Variants in WASHC4 observed in about 807,000 individuals in gnomAD.
WASHC4 encodes WASH complex subunit 4.
WASHC4 carries 86 observed loss-of-function variants against 166.6 expected under a neutral mutation model. That is an observed-to-expected ratio of 0.52 (90% CI 0.43 to 0.62). The LOEUF (loss-of-function observed/expected upper bound fraction) is 0.62, where lower values mean the gene tolerates loss of function less well. WASHC4 is among the 20% of genes least tolerant of loss of function. The pLI, the probability that WASHC4 is intolerant of heterozygous loss-of-function variation, is 0.00. For synonymous variants in WASHC4, 446 were observed against 451.6 expected, an observed-to-expected ratio of 0.99 and a Z score of 0.16; for missense variants, 1,262 against 1,382.4, an observed-to-expected ratio of 0.91 and a Z score of 1.38.
At chr12:105,153,428 C>T (rs1592911327) in intron 26 of WASHC4, among the ~76,000 whole-genome samples, 1 of 152,236 alleles carries the variant, frequency 6.6e-6, no homozygotes, top group Non-Finnish European at 1.5e-5. Context: ...TGTTTTAGTA[C>T]AAGAACTTGG....
At chr12:105,136,151 G>T (rs976273933) in intron 14 of WASHC4, among the ~76,000 whole-genome samples, 5 of 152,054 alleles carry the variant, frequency 3.3e-5, no homozygotes, top group African/African-American at 1.2e-4. Context: ...TTTTTGGGGG[G>T]TTATCCTTCA....
chr12:105,156,908 A>G, intron 27 of WASHC4, 116 bp downstream of exon 27: 2 of 832,660 alleles, frequency 2.4e-6, no homozygotes, highest in South Asian at 1.4e-5. Flanking sequence ...ATATTTTGAG[A>G]TAAAATATGG....
intron 1 of WASHC4, among the ~76,000 whole-genome samples, chr12:105,108,516 G>A (rs1053895069): frequency 2.0e-5 from 3 of 152,136 alleles, no homozygotes; most frequent in Non-Finnish European, 2.9e-5. Context: ...AAAAATTACA[G>A]CAAATCTTCA....
rs949124120 is a variant in WASHC4 at position 105,126,222 on chromosome 12, A to G, written c.911-13A>G. On this transcript the variant is annotated splice_polypyrimidine_tract_variant and intron_variant, in intron 11 of 32. Transcript: ENST00000332180. ...TATTTGTTCTGCTTTCTCTTATGTT[A>G]TTGATTTGTAAGGAGAACCTTCTGA... 1.2e-6 allele frequency: 2 copies of G among 1,612,566 alleles called. No homozygotes were observed. Among genetic ancestry groups the G allele is most frequent in the Non-Finnish European group, 1.7e-6 (2 of 1,179,036 alleles).
At position 105,139,195 on chromosome 12, in the gene WASHC4, G is replaced by A. The variant is rs1443140626; in HGVS notation, c.1453-1099G>A. 4.6e-5 allele frequency among the ~76,000 whole-genome samples: 7 copies of A among 151,736 alleles called. No individual in the cohort carries two copies. In the East Asian group the frequency reaches 1.3e-3, roughly 29 times the overall value. On this transcript the variant is annotated intron_variant, in intron 15 of 32. Transcript: ENST00000332180. ...GAGGGTATCCATGTTGGGATGAGTA[G>A]CACATCTATTTTCATTGTTGTGTAG...
chr12:105,158,265 G>C (rs373031568), intron 28 of WASHC4, among the ~76,000 whole-genome samples: 3 of 152,310 alleles, frequency 2.0e-5, no homozygotes, highest in East Asian at 3.9e-4. Flanking sequence ...TTAGAGAACA[G>C]AGGATTCATT....
chr12:105,150,923 G>T (rs1883707075), intron 25 of WASHC4, among the ~76,000 whole-genome samples: 1 of 151,980 alleles, frequency 6.6e-6, no homozygotes, highest in South Asian at 2.1e-4. Flanking sequence ...ATGAGAACAG[G>T]GTAGGGGAAA....
chr12:105,121,540 A>C lies in WASHC4; in HGVS notation c.665+336A>C, dbSNP rs147489123. Among the ~76,000 whole-genome samples the C allele has an allele frequency of 2.4e-3, 366 of 152,242 alleles. 1 individual carries two copies. Among genetic ancestry groups the C allele is most frequent in the African/African-American group, 8.2e-3 (342 of 41,546 alleles). ...TTTTTCTTTGTTGAGACAGAGTCTC[A>C]CTGTGTTGCCAGGCTGGAGTGCAGT... On this transcript the variant is annotated intron_variant, in intron 9 of 32. Coordinates refer to ENST00000332180, the MANE Select transcript of WASHC4 (RefSeq NM_015275.3).
intron 14 of WASHC4, among the ~76,000 whole-genome samples, chr12:105,135,448 G>A (rs1425413524): frequency 6.6e-6 from 1 of 150,866 alleles, no homozygotes; most frequent in African/African-American, 2.4e-5. Flanking sequence ...TGGTCTTCTG[G>A]CTTCCTTTGT....
rs1455611746 is a variant in WASHC4 at position 105,160,294 on chromosome 12, G to A, written c.3060+146G>A. Reference sequence around the variant, plus strand: ...AAAACTAAATGTGATCTCAGTGAATGTGACATAGAATTTTTTATTTGTTAG... The same window carrying A: ...AAAACTAAATGTGATCTCAGTGAATATGACATAGAATTTTTTATTTGTTAG... On this transcript the variant is annotated intron_variant, in intron 29 of 32. Coordinates refer to ENST00000332180, the MANE Select transcript of WASHC4 (RefSeq NM_015275.3). 3 of 724,408 alleles carry A rather than the reference G, an allele frequency of 4.1e-6. No homozygotes were observed. In the African/African-American group the frequency reaches 5.4e-5, roughly 13 times the overall value. 44.9% of individuals were successfully genotyped at this position (724,408 alleles called of 1,614,324 possible).
chr12:105,146,401 C>A, intron 22 of WASHC4, 51 bp from the exon 23 acceptor site: 2 of 1,067,246 alleles, frequency 1.9e-6, no homozygotes, highest in Non-Finnish European at 2.9e-6. Flanking sequence ...ACAAGTTTAA[C>A]TGATTATTTT....
At chr12:105,160,952 T>C in intron 29 of WASHC4, among the ~76,000 whole-genome samples, 1 of 152,166 alleles carries the variant, frequency 6.6e-6, no homozygotes, top group Non-Finnish European at 1.5e-5. Context: ...TATCTAAAAA[T>C]AGTTCAAGTT....
At position 105,131,753 on chromosome 12, in the gene WASHC4, C is replaced by T. The variant is rs375409660; in HGVS notation, c.1200-2017C>T. ...CCAGGCTTTTAAAAAAGGAATCATT[C>T]ATAAGTCAAACAGTATGTTTCAGCA... On this transcript the variant is annotated intron_variant, in intron 13 of 32. Coordinates refer to ENST00000332180, the MANE Select transcript of WASHC4 (RefSeq NM_015275.3). Among the ~76,000 whole-genome samples the T allele has an allele frequency of 2.0e-5, 3 of 152,196 alleles. No individual in the cohort carries two copies. In the East Asian group the frequency reaches 5.8e-4, roughly 29 times the overall value.
In WASHC4 at chr12:105,127,180, C is replaced by G; in HGVS notation, c.1090C>G (p.Leu364Val). Residue 364 changes from leucine to valine, a missense_variant, in exon 13 of 33, where the codon CTG becomes GTG. By Grantham distance (32) the Leu-to-Val change is conservative. Transcript: ENST00000332180. ...TATTATTTGGTTTCCTGATAATTTT[C>G]TGATCCAGAAAATACCAGCAGCTGC... The part of the protein sequence containing the change: ...ANIIWFPDNF[L>V]IQKIPAAAKL... 6.2e-7 allele frequency: 1 copy of G among 1,612,952 alleles called. No individual in the cohort carries two copies. Among genetic ancestry groups the G allele is most frequent in the African/African-American group, 1.3e-5 (1 of 74,942 alleles).
At position 105,159,059 on chromosome 12, in the gene WASHC4, A is replaced by G. The variant is rs535438736; in HGVS notation, c.2913-942A>G. On this transcript the variant is annotated intron_variant, in intron 28 of 32. Coordinates refer to ENST00000332180, the MANE Select transcript of WASHC4 (RefSeq NM_015275.3). ...TAGCTTAAGCTCTTTGCCAGATTAC[A>G]TAAGCCATTTACAAAGTTAAGCCAT... 3.5e-3 allele frequency among the ~76,000 whole-genome samples: 531 copies of G among 152,354 alleles called. 3 individuals carry two copies. The highest frequency in any genetic ancestry group is 0.011 in the African/African-American group (458 of 41,594).
intron 2 of WASHC4, among the ~76,000 whole-genome samples, chr12:105,113,937 T>G (rs1397212183): frequency 6.6e-6 from 1 of 152,066 alleles, no homozygotes; most frequent in East Asian, 1.9e-4. Context: ...ATAATGTTAC[T>G]ATTACCTTAT....
intron 18 of WASHC4, among the ~76,000 whole-genome samples, chr12:105,141,489 G>GCAT (rs1303589757): frequency 6.6e-6 from 1 of 152,190 alleles, no homozygotes; most frequent in African/African-American, 2.4e-5. Flanking sequence ...CAACCTCAGA[G>GCAT]CATCTGGCCG....
Position 105,122,129 on chromosome 12 carries a change from C to T in WASHC4, c.677C>T (p.Ser226Phe). 6.3e-7 allele frequency: 1 copy of T among 1,597,288 alleles called. No homozygotes were observed. The highest frequency in any genetic ancestry group is 8.6e-7 in the Non-Finnish European group (1 of 1,165,644). The change falls in exon 10 of 33, where the codon TCT (serine) becomes TTT (phenylalanine). Residue 226 changes from serine to phenylalanine, a missense_variant. Ser to Phe is a radical substitution (Grantham distance 155). Transcript: ENST00000332180. ...HWTMYKRLLK[S>F]VHHNPSKFGI... Reference sequence around the variant, plus strand: ...TAATTTTCCTCAAGGTTACTGAAATCTGTCCATCACAATCCTTCAAAATTT... The same window carrying T: ...TAATTTTCCTCAAGGTTACTGAAATTTGTCCATCACAATCCTTCAAAATTT...
chr12:105,123,506 A>G (rs576012433), intron 10 of WASHC4, among the ~76,000 whole-genome samples: 25 of 152,306 alleles, frequency 1.6e-4, no homozygotes, highest in African/African-American at 5.3e-4. Context: ...AATCAAACCA[A>G]CCGCAACATT....
Sources: gnomAD v4.1 joint callset for allele counts (sites outside exome capture counted in the v4.1 genomes callset) on GRCh38, gnomAD v4.1.1 for gene constraint, MANE v1.5 for transcripts, NCBI Gene and HGNC (gene_info 2026-07-23, HGNC 2026-07-21) for gene names.